The following JARID2 variants were observed in gnomAD, a reference collection of about 807,000 sequenced individuals.
The protein encoded by JARID2 is protein Jumonji.
JARID2 carries 21 observed loss-of-function variants against 125.6 expected under a neutral mutation model. That is an observed-to-expected ratio of 0.17 (90% CI 0.12 to 0.24). JARID2 has a LOEUF of 0.24. Among genes scored for constraint, JARID2 ranks in the 10% least tolerant of loss-of-function variants. JARID2 has a pLI of 1.00. For synonymous variants in JARID2, 736 were observed against 661.6 expected (o/e 1.11, Z -1.73); for missense variants, 1,303 against 1,639.6 (o/e 0.79, Z 3.55).
intron 1 of JARID2, among the ~76,000 whole-genome samples, chr6:15,368,074 T>C (rs1426050304): frequency 6.6e-6 from 1 of 152,204 alleles, no homozygotes; most frequent in Non-Finnish European, 1.5e-5. Context: ...ATAAGAACTC[T>C]TGGTGTAGTT....
At chr6:15,505,093 A>G (rs1351050165) in intron 9 of JARID2, 1 of 154,592 alleles carries the variant, frequency 6.5e-6, no homozygotes, top group African/African-American at 2.4e-5. Flanking sequence ...GCCCAGACCA[A>G]TTAGGGGGAG....
chr6:15,444,241 T>C (rs747439808), intron 3 of JARID2, among the ~76,000 whole-genome samples: 5 of 152,168 alleles, frequency 3.3e-5, no homozygotes, highest in Non-Finnish European at 1.5e-5. Context: ...ACCCTGACCG[T>C]TTAAAACTGT....
At chr6:15,435,560 T>C (rs1043167362) in intron 3 of JARID2, among the ~76,000 whole-genome samples, 1 of 152,150 alleles carries the variant, frequency 6.6e-6, no homozygotes, top group African/African-American at 2.4e-5. Context: ...CATTTCTCCT[T>C]GGGTAGGTCT....
intron 2 of JARID2, among the ~76,000 whole-genome samples, chr6:15,384,130 C>T (rs908684317): frequency 2.0e-5 from 3 of 152,072 alleles, no homozygotes; most frequent in Admixed American, 1.3e-4. Context: ...ATAGGATTTT[C>T]TTCTGTGGGC....
intron 2 of JARID2, among the ~76,000 whole-genome samples, chr6:15,399,580 T>C (rs902069541): frequency 1.3e-5 from 2 of 152,152 alleles, no homozygotes; most frequent in Admixed American, 6.6e-5. Context: ...TTCATGAGCT[T>C]TAATTATTTA....
chr6:15,265,920 TGTTACG>T (rs551228206), intron 1 of JARID2, among the ~76,000 whole-genome samples: 1 of 152,272 alleles, frequency 6.6e-6, no homozygotes, highest in East Asian at 1.9e-4. Context: ...GTGGCTGGTC[TGTTACG>T]GTTTTGAAAG....
chr6:15,248,973 C>T (rs1759321928), intron 1 of JARID2: 2 of 985,444 alleles, frequency 2.0e-6, no homozygotes, highest in Non-Finnish European at 2.4e-6. Flanking sequence ...AGGTGAGGGC[C>T]GGGGAGCCGT....
At chr6:15,288,310 T>G (rs1185069275) in intron 1 of JARID2, among the ~76,000 whole-genome samples, 2 of 150,476 alleles carry the variant, frequency 1.3e-5, no homozygotes, top group African/African-American at 2.5e-5. Flanking sequence ...AGGTGGGGGT[T>G]GGAGAAAAGG....
At chr6:15,340,774 C>T (rs1301485586) in intron 1 of JARID2, among the ~76,000 whole-genome samples, 1 of 152,132 alleles carries the variant, frequency 6.6e-6, no homozygotes, top group Non-Finnish European at 1.5e-5. Flanking sequence ...TCTCGTTCCT[C>T]TTTAGTGGGA....
In JARID2 at chr6:15,508,430, T is replaced by C; in HGVS notation, c.2822T>C (p.Leu941Ser). ...DQNHLPYIDY[L>S]HTGADCIWYC... Reference sequence around the variant, plus strand: ...AATCACCTTCCATACATTGACTACTTACACACTGGTGCTGACTGCATTTGG... The same window carrying C: ...AATCACCTTCCATACATTGACTACTCACACACTGGTGCTGACTGCATTTGG... Residue 941 changes from leucine to serine, a missense_variant, in exon 12 of 18, where the codon TTA becomes TCA. Transcript: ENST00000341776. The C allele has an allele frequency of 2.5e-6, 4 of 1,597,652 alleles. No homozygotes were observed. The highest frequency in any genetic ancestry group is 3.4e-6 in the Non-Finnish European group (4 of 1,164,956).
chr6:15,357,591 T>G (rs1298967899), intron 1 of JARID2, among the ~76,000 whole-genome samples: 2 of 152,198 alleles, frequency 1.3e-5, no homozygotes, highest in Admixed American at 6.5e-5. Context: ...AAATGTTATT[T>G]ATTGATTTTT....
At chr6:15,324,695 C>T in intron 1 of JARID2, among the ~76,000 whole-genome samples, 1 of 150,240 alleles carries the variant, frequency 6.7e-6, no homozygotes, top group African/African-American at 2.5e-5. Context: ...CTTTATTTTC[C>T]AGGCACTTTG....
At chr6:15,454,195 G>A (rs1015275000) in intron 4 of JARID2, among the ~76,000 whole-genome samples, 5 of 151,964 alleles carry the variant, frequency 3.3e-5, no homozygotes, top group South Asian at 2.1e-4. Context: ...CTGCCCCCAC[G>A]ATGGGAAACT....
At chr6:15,469,949 T>G (rs3819398) in intron 5 of JARID2, among the ~76,000 whole-genome samples, 1 of 151,658 alleles carries the variant, frequency 6.6e-6, no homozygotes, top group Non-Finnish European at 1.5e-5. Flanking sequence ...GAGGCTGAGG[T>G]GGGCAGATCA....
intron 4 of JARID2, 70 bp from the exon 5 acceptor site, chr6:15,468,472 T>C: frequency 7.3e-7 from 1 of 1,368,892 alleles, no homozygotes; most frequent in Non-Finnish European, 9.8e-7. Context: ...TTTGTTTCAT[T>C]GTGGTGTTCC....
intron 2 of JARID2, among the ~76,000 whole-genome samples, chr6:15,385,329 C>A: frequency 6.6e-6 from 1 of 152,082 alleles, no homozygotes; most frequent in Non-Finnish European, 1.5e-5. Context: ...TGGAATGTTC[C>A]TTGAACATTC....
At chr6:15,397,257 G>A (rs1156513791) in intron 2 of JARID2, among the ~76,000 whole-genome samples, 1 of 152,100 alleles carries the variant, frequency 6.6e-6, no homozygotes, top group Non-Finnish European at 1.5e-5. Flanking sequence ...CACACCCTAT[G>A]TGATATGGTC....
intron 2 of JARID2, among the ~76,000 whole-genome samples, chr6:15,382,162 T>C (rs1380797166): frequency 6.6e-6 from 1 of 151,884 alleles, no homozygotes; most frequent in Non-Finnish European, 1.5e-5. Context: ...ACTCAGGAGG[T>C]TGAAGCAGGA....
intron 1 of JARID2, among the ~76,000 whole-genome samples, chr6:15,333,363 T>C (rs1368422379): frequency 6.6e-6 from 1 of 152,202 alleles, no homozygotes; most frequent in South Asian, 2.1e-4. Flanking sequence ...TCAGCAGTTA[T>C]TATTTCTTCC....
Sources: allele counts gnomAD v4.1 joint callset (sites outside exome capture counted in the v4.1 genomes callset), GRCh38; gene constraint gnomAD v4.1.1; transcripts MANE v1.5; gene names NCBI Gene and HGNC (gene_info 2026-07-23, HGNC 2026-07-21).